Variants in PCDHAC1 observed in about 807,000 individuals in gnomAD.
PCDHAC1 encodes the protein protocadherin alpha subfamily C, 1.
PCDHAC1 carries 42 observed loss-of-function variants against 60.0 expected under a neutral mutation model. The ratio of observed to expected loss-of-function variants is 0.70; its 90% CI spans 0.55 to 0.90. The LOEUF (loss-of-function observed/expected upper bound fraction) is 0.90, where lower values mean the gene tolerates loss of function less well. PCDHAC1 is among the 40% of genes least tolerant of loss of function. PCDHAC1 has a pLI of 0.00. For missense variants in PCDHAC1, 1,160 were observed against 1,222.3 expected, an observed-to-expected ratio of 0.95 and a Z score of 0.76; for synonymous variants, 468 against 499.3, an observed-to-expected ratio of 0.94 and a Z score of 0.84.
chr5:140,930,411 A>C (rs1554207797), intron 1 of PCDHAC1: 2 of 149,218 alleles, frequency 1.3e-5, no homozygotes, highest in African/African-American at 2.5e-5. Context: ...TTTTTGAGAC[A>C]GGGGTCTCAC....
intron 1 of PCDHAC1, among the ~76,000 whole-genome samples, chr5:140,963,606 G>A (rs79307503): frequency 0.011 from 1,749 of 152,250 alleles, 32 homozygotes; most frequent in African/African-American, 0.039. Context: ...AGACGTAATT[G>A]GGAAAGCTTA....
At chr5:140,987,544 A>G (rs1316604535) in intron 3 of PCDHAC1, among the ~76,000 whole-genome samples, 1 of 152,180 alleles carries the variant, frequency 6.6e-6, no homozygotes, top group Non-Finnish European at 1.5e-5. Context: ...CCATTACTTA[A>G]CTTTCCTGAT....
At chr5:140,969,608 CAG>C in intron 1 of PCDHAC1, 1 of 747,330 alleles carries the variant, frequency 1.3e-6, no homozygotes, top group South Asian at 2.1e-5. Flanking sequence ...TGCTAAAACA[CAG>C]ATTTGTAGAG....
intron 1 of PCDHAC1, chr5:140,966,338 A>C (rs2095992774): frequency 2.5e-6 from 1 of 394,586 alleles, no homozygotes; most frequent in Non-Finnish European, 4.5e-6. Flanking sequence ...CGGCAGGTCC[A>C]GGGTGAAGGA....
intron 1 of PCDHAC1, among the ~76,000 whole-genome samples, chr5:140,951,377 G>T (rs2094577141): frequency 6.6e-6 from 1 of 152,070 alleles, no homozygotes; most frequent in Non-Finnish European, 1.5e-5. Context: ...AAACACCCAA[G>T]ACTCGGTAAT....
chr5:140,939,886 T>C (rs1165679302), intron 1 of PCDHAC1, among the ~76,000 whole-genome samples: 1 of 152,242 alleles, frequency 6.6e-6, no homozygotes, highest in Non-Finnish European at 1.5e-5. Flanking sequence ...AGTTGTGTTG[T>C]TCAAATATTC....
chr5:140,928,158 A>T lies in PCDHAC1; in HGVS notation c.1266A>T (p.Ser422=). 2 of 1,614,066 alleles carry T rather than the reference A, an allele frequency of 1.2e-6. No homozygotes were observed. The highest frequency in any genetic ancestry group is 1.7e-6 in the Non-Finnish European group (2 of 1,180,030). The change falls in exon 1 of 4, where the codon TCA becomes TCT. Residue 422 remains serine, a synonymous_variant. Coordinates refer to ENST00000253807, the MANE Select transcript of PCDHAC1 (RefSeq NM_018898.5). ...QVLITASDSG[S]PPLSTRRTIT... ...TGATCACGGCCTCAGATAGTGGCTCACCCCCACTTAGCACCCGAAGGACAA... is the reference window on the plus strand; with the variant it reads ...TGATCACGGCCTCAGATAGTGGCTCTCCCCCACTTAGCACCCGAAGGACAA...
chr5:140,969,147 A>G (rs781909774), intron 1 of PCDHAC1: 1 of 1,614,172 alleles, frequency 6.2e-7, no homozygotes, highest in Non-Finnish European at 8.5e-7. Flanking sequence ...TACTGCTACA[A>G]GGCCTGTCTG....
At chr5:141,000,558 G>A (rs1462892656) in intron 3 of PCDHAC1, among the ~76,000 whole-genome samples, 1 of 149,136 alleles carries the variant, frequency 6.7e-6, no homozygotes, top group Admixed American at 6.8e-5. Flanking sequence ...CTCCCGAGTA[G>A]CTGGGATTAC....
chr5:140,982,330 A>G (rs1164990385), intron 2 of PCDHAC1, 145 bp from the exon 3 acceptor site: 3 of 1,429,408 alleles, frequency 2.1e-6, no homozygotes, highest in Non-Finnish European at 2.8e-6. Flanking sequence ...GTGACTGCTC[A>G]GCAGTAATTG....
intron 1 of PCDHAC1, among the ~76,000 whole-genome samples, chr5:140,950,237 A>G (rs1192417956): frequency 6.6e-6 from 1 of 151,954 alleles, no homozygotes; most frequent in African/African-American, 2.4e-5. Flanking sequence ...AGTGCCATTA[A>G]TTTGTTCCTA....
intron 1 of PCDHAC1, among the ~76,000 whole-genome samples, chr5:140,941,764 A>T (rs116374830): frequency 2.0e-5 from 3 of 152,190 alleles, no homozygotes. Flanking sequence ...TGCTTTTAAG[A>T]TAATTGTTTT....
intron 1 of PCDHAC1, among the ~76,000 whole-genome samples, chr5:140,952,816 C>T (rs2094802630): frequency 6.6e-6 from 1 of 152,134 alleles, no homozygotes; most frequent in South Asian, 2.1e-4. Context: ...GCAGGCTGTA[C>T]AGGAAGCATG....
chr5:140,990,977 G>T (rs1554251868), intron 3 of PCDHAC1, among the ~76,000 whole-genome samples: 1 of 152,156 alleles, frequency 6.6e-6, no homozygotes, highest in African/African-American at 2.4e-5. Context: ...CAAGAGAAAG[G>T]AAGACAATAG....
chr5:140,966,788 C>A, intron 1 of PCDHAC1: 1 of 1,527,436 alleles, frequency 6.5e-7, no homozygotes, highest in African/African-American at 1.4e-5. Flanking sequence ...GGGCACCAGA[C>A]CTGCGGCGAC....
intron 3 of PCDHAC1, among the ~76,000 whole-genome samples, chr5:141,009,358 C>G (rs993815936): frequency 8.5e-5 from 13 of 152,116 alleles, no homozygotes; most frequent in Admixed American, 6.6e-5. Flanking sequence ...ACTTGGGAGG[C>G]TAAGATGGGA....
chr5:140,951,196 T>A (rs1438872650), intron 1 of PCDHAC1, among the ~76,000 whole-genome samples: 1 of 152,190 alleles, frequency 6.6e-6, no homozygotes, highest in African/African-American at 2.4e-5. Context: ...AATTCCCACA[T>A]CTGTGTCATC....
intron 1 of PCDHAC1, among the ~76,000 whole-genome samples, chr5:140,941,211 C>CT (rs59928198): frequency 0.24 from 30,589 of 127,372 alleles, 3,669 homozygotes; most frequent in South Asian, 0.38. Context: ...TCCTTTCTTT[C>CT]TTCCTTTCTT....
chr5:140,940,253 A>G (rs1216858680), intron 1 of PCDHAC1, among the ~76,000 whole-genome samples: 1 of 152,124 alleles, frequency 6.6e-6, no homozygotes, highest in Middle Eastern at 3.2e-3. Context: ...CCTCCTCAAT[A>G]TCTTCTGGGT....
Sources: gnomAD v4.1 joint callset for allele counts (sites outside exome capture counted in the v4.1 genomes callset) on GRCh38, gnomAD v4.1.1 for gene constraint, MANE v1.5 for transcripts, NCBI Gene and HGNC (gene_info 2026-07-23, HGNC 2026-07-21) for gene names.